ABCA12: variants seen among roughly 807,000 people sequenced by gnomAD.
ABCA12 encodes the protein ATP binding cassette subfamily A member 12, also known as glucosylceramide transporter ABCA12.
ABCA12 carries 156 observed loss-of-function variants against 293.5 expected under a neutral mutation model. The ratio of observed to expected loss-of-function variants is 0.53; its 90% CI spans 0.47 to 0.61. ABCA12 has a LOEUF of 0.61. Ranked by LOEUF, ABCA12 falls within the 20% of genes least tolerant of loss-of-function variation. The pLI is 0.00. For missense variants in ABCA12, 2,797 were observed against 3,090.2 expected, an observed-to-expected ratio of 0.91 and a Z score of 2.25; for synonymous variants, 1,063 against 1,108.0, an observed-to-expected ratio of 0.96 and a Z score of 0.81.
rs1253125134 is a variant in ABCA12, at chr2:214,990,833, T to C, written c.3493A>G (p.Ile1165Val). 1.2e-6 allele frequency: 2 copies of C among 1,613,974 alleles called. No individual in the cohort carries two copies. Among genetic ancestry groups the C allele is most frequent in the Non-Finnish European group, 1.7e-6 (2 of 1,179,982 alleles). Residue 1165 changes from isoleucine (I) to valine (V), a missense_variant, in exon 24 of 53, where the codon ATC becomes GTC. Ile to Val is a conservative substitution (Grantham distance 29). Around this residue, in one of 3 missense-constraint regions of ABCA12, gnomAD observed 2,130 missense variants for 2,427.0 expected, o/e 0.88. Transcript: ENST00000272895. ...TTGGTGTTGTTGAAGAAGACACTGA[T>C]AAGATAGCTCATGGCAATAACCGAG... is the stretch of plus-strand genomic sequence containing the variant. ...SFSVIAMSYL[I>V]SVFFNNTNIA...
At chr2:215,027,528 C>T (rs1357143151) in intron 9 of ABCA12, among the ~76,000 whole-genome samples, 4 of 152,036 alleles carry the variant, frequency 2.6e-5, no homozygotes, top group African/African-American at 9.7e-5. Flanking sequence ...TTTCTAGGCA[C>T]ACTTACATGA....
intron 1 of ABCA12, among the ~76,000 whole-genome samples, chr2:215,122,827 C>G (rs910967905): frequency 2.0e-5 from 3 of 152,084 alleles, no homozygotes; most frequent in Non-Finnish European, 2.9e-5. Flanking sequence ...GGTACATGTG[C>G]TTGTTGGTTA....
chr2:215,084,089 C>T (rs978869597), intron 2 of ABCA12, among the ~76,000 whole-genome samples: 1 of 152,032 alleles, frequency 6.6e-6, no homozygotes, highest in African/African-American at 2.4e-5. Flanking sequence ...GTGATCCTCT[C>T]GTCTCAGCCT....
intron 1 of ABCA12, among the ~76,000 whole-genome samples, chr2:215,129,010 C>T (rs1416689641): frequency 6.6e-6 from 1 of 152,088 alleles, no homozygotes; most frequent in Non-Finnish European, 1.5e-5. Flanking sequence ...TAGTACTCTC[C>T]CCCTTTTCCT....
chr2:214,991,114 C>G (rs1699903658), intron 23 of ABCA12, 83 bp from the exon 24 acceptor site: 4 of 1,227,990 alleles, frequency 3.3e-6, no homozygotes, highest in Non-Finnish European at 4.8e-6. Context: ...GTCAAAATGT[C>G]ATGATAGTCT....
In ABCA12 at chr2:214,958,344, T is replaced by G. The variant is rs200576245; in HGVS notation, c.6050A>C (p.Lys2017Thr). Reference sequence around the variant, plus strand: ...AATGCCTGAAATGTGCTGCAACTGTTTGGCTTTGGTTTGATGTTCCCTTAC... The same window carrying G: ...AATGCCTGAAATGTGCTGCAACTGTGTGGCTTTGGTTTGATGTTCCCTTAC... Reference protein sequence around the residue: ...YVVREHQTKAKQLQHISGIGV... With the variant: ...YVVREHQTKATQLQHISGIGV... Residue 2017 changes from lysine (K) to threonine (T), a missense_variant, in exon 41 of 53, where the codon AAA (lysine) becomes ACA (threonine). Physicochemically the swap from Lys to Thr is moderately conservative, Grantham distance 78. Around this residue, in one of 3 missense-constraint regions of ABCA12, gnomAD observed 2,130 missense variants for 2,427.0 expected, o/e 0.88. Transcript: ENST00000272895. 1 of 1,614,042 alleles carries G rather than the reference T, an allele frequency of 6.2e-7. No individual in the cohort carries two copies. Among genetic ancestry groups the G allele is most frequent in the East Asian group, 2.2e-5 (1 of 44,874 alleles).
At chr2:214,951,607 A>C (rs1698773644) in intron 44 of ABCA12, among the ~76,000 whole-genome samples, 1 of 152,140 alleles carries the variant, frequency 6.6e-6, no homozygotes, top group African/African-American at 2.4e-5. Flanking sequence ...AAATACAAAA[A>C]TTATCCAGGC....
At chr2:215,054,691 T>A in intron 3 of ABCA12, 27 bp from the exon 4 acceptor site, 2 of 1,549,682 alleles carry the variant, frequency 1.3e-6, no homozygotes, top group Non-Finnish European at 1.8e-6. Context: ...AAGAACTCTG[T>A]AACTTCTCCC....
At chr2:215,138,039 C>T in intron 1 of ABCA12, 101 bp downstream of exon 1, 1 of 1,198,856 alleles carries the variant, frequency 8.3e-7, no homozygotes, top group Admixed American at 1.7e-5. Context: ...TTGGAAAATG[C>T]CTTTAAACTC....
At chr2:215,016,344 G>C (rs1414342746) in intron 14 of ABCA12, among the ~76,000 whole-genome samples, 6 of 151,198 alleles carry the variant, frequency 4.0e-5, no homozygotes, top group Admixed American at 2.6e-4. Context: ...AGCACTTTGG[G>C]AGGCCGAGGC....
intron 37 of ABCA12, 79 bp from the exon 38 acceptor site, chr2:214,968,886 G>T: frequency 7.5e-7 from 1 of 1,325,784 alleles, no homozygotes; most frequent in Non-Finnish European, 1.1e-6. Context: ...TTAACGAGGA[G>T]CTCAACTTTT....
Position 215,004,215 on chromosome 2 carries a change from C to G in ABCA12, c.2677G>C (p.Glu893Gln). 1 of 1,613,556 alleles carries G rather than the reference C, an allele frequency of 6.2e-7. No individual in the cohort carries two copies. The highest frequency in any genetic ancestry group is 1.1e-5 in the South Asian group (1 of 91,002). Residue 893 changes from glutamate (E) to glutamine (Q), a missense_variant, in exon 20 of 53, where the codon GAA (glutamate) becomes CAA (glutamine). By Grantham distance (29) the Glu-to-Gln change is conservative. Transcript: ENST00000272895. ...DAVELLKQID[E>Q]LDILRLKLEN... is the part of the protein sequence containing the mutation. ...TTTGTGAATTTGGACTCACCGAGTT[C>G]ATCTATCTGTTTCAATAGTTCAACA...
intron 2 of ABCA12, among the ~76,000 whole-genome samples, chr2:215,101,405 C>G (rs555936633): frequency 7.2e-5 from 11 of 152,258 alleles, no homozygotes; most frequent in African/African-American, 2.6e-4. Flanking sequence ...CCACCTCCAC[C>G]TCCAGATGCC....
chr2:215,073,576 A>G (rs1253951354), intron 2 of ABCA12, among the ~76,000 whole-genome samples: 1 of 152,078 alleles, frequency 6.6e-6, no homozygotes, highest in Non-Finnish European at 1.5e-5. Flanking sequence ...CCCCGCCCCC[A>G]CCGAGATATT....
chr2:215,001,825 T>A, intron 20 of ABCA12, 88 bp from the exon 21 acceptor site: 1 of 1,114,554 alleles, frequency 9.0e-7, no homozygotes, highest in Non-Finnish European at 1.3e-6. Context: ...TTGTAAATAC[T>A]AAACTAGATT....
intron 26 of ABCA12, among the ~76,000 whole-genome samples, 187 bp from the exon 27 acceptor site, chr2:214,987,980 T>A (rs552325163): frequency 1.3e-5 from 2 of 152,352 alleles, no homozygotes; most frequent in South Asian, 4.1e-4. Flanking sequence ...CTTGTTAGTT[T>A]TTAAGCAGCT....
intron 11 of ABCA12, chr2:215,023,020 G>C (rs12477975): frequency 1.3e-5 from 2 of 152,264 alleles, no homozygotes; most frequent in East Asian, 3.9e-4. Context: ...AGAATGTTCC[G>C]GCAAGGAGAA....
intron 1 of ABCA12, among the ~76,000 whole-genome samples, chr2:215,126,049 T>G (rs987117248): frequency 1.3e-5 from 2 of 152,214 alleles, no homozygotes; most frequent in Non-Finnish European, 2.9e-5. Flanking sequence ...TCTATTAAGA[T>G]GATCATGTGA....
intron 20 of ABCA12, among the ~76,000 whole-genome samples, chr2:215,003,425 T>C (rs1700184547): frequency 6.6e-6 from 1 of 152,164 alleles, no homozygotes; most frequent in Admixed American, 6.5e-5. Context: ...GTCTCCCCAT[T>C]GCGTTTTTCT....
Sources: allele counts gnomAD v4.1 joint callset (sites outside exome capture counted in the v4.1 genomes callset), GRCh38; gene constraint gnomAD v4.1.1; regional missense constraint gnomAD v4.1.1; transcripts MANE v1.5; gene names NCBI Gene and HGNC (gene_info 2026-07-23, HGNC 2026-07-21).